The following CPED1 variants were observed in gnomAD, a reference collection of about 807,000 sequenced individuals.
CPED1 encodes cadherin like and PC-esterase domain containing 1.
A neutral mutation model predicts 128.2 loss-of-function variants in CPED1; 114 were observed. The ratio of observed to expected loss-of-function variants is 0.89; its 90% CI spans 0.76 to 1.04. The LOEUF (loss-of-function observed/expected upper bound fraction) is 1.04. Among genes scored for constraint, CPED1 ranks in the 50% least tolerant of loss-of-function variants. The probability of loss-of-function intolerance (pLI) is 0.00; values close to 1 mark genes in which losing one functional copy is unlikely to be tolerated. For missense variants in CPED1, 1,211 were observed against 1,207.1 expected (o/e 1.00, Z -0.05); for synonymous variants, 462 against 426.7 (o/e 1.08, Z -1.02).
At chr7:121,250,589 AAAG>A (rs1441210888) in intron 18 of CPED1, among the ~76,000 whole-genome samples, 3 of 152,244 alleles carry the variant, frequency 2.0e-5, no homozygotes, top group Non-Finnish European at 4.4e-5. Context: ...ACTAATAAGA[AAAG>A]AAAGAAGAAT....
intron 18 of CPED1, among the ~76,000 whole-genome samples, chr7:121,260,896 T>C (rs1792001068): frequency 6.6e-6 from 1 of 152,116 alleles, no homozygotes; most frequent in East Asian, 1.9e-4. Context: ...AAAAGGAAAA[T>C]GATTTTAATT....
intron 16 of CPED1, among the ~76,000 whole-genome samples, chr7:121,215,204 C>G (rs1302633281): frequency 1.3e-5 from 2 of 151,996 alleles, no homozygotes; most frequent in African/African-American, 2.4e-5. Context: ...TGTCCCAGCT[C>G]CATCCTTTTG....
chr7:121,140,888 T>C lies in CPED1; in HGVS notation c.1761T>C (p.Pro587=). 6.2e-7 allele frequency: 1 copy of C among 1,612,560 alleles called. No homozygotes were observed. The highest frequency in any genetic ancestry group is 8.5e-7 in the Non-Finnish European group (1 of 1,179,008). ...CACATCCACATTTGGAACTAAATCC[T>C]GACTTTCATCCAAAGATCAAAGATT... ...IFTHPHLELN[P]DFHPKIKDYY... Residue 587 remains proline, a synonymous_variant, in exon 15 of 23, where the codon CCT becomes CCC. Coordinates refer to ENST00000310396, the MANE Select transcript of CPED1 (RefSeq NM_024913.5).
chr7:121,015,593 T>A, intron 2 of CPED1, 72 bp from the exon 3 acceptor site: 1 of 1,334,708 alleles, frequency 7.5e-7, no homozygotes, highest in Non-Finnish European at 1.0e-6. Context: ...AGCCCTTGAT[T>A]TGCATTCATG....
At chr7:121,288,071 A>AT (rs1792621628) in intron 22 of CPED1, among the ~76,000 whole-genome samples, 1 of 152,184 alleles carries the variant, frequency 6.6e-6, no homozygotes, top group African/African-American at 2.4e-5. Context: ...GTTTCATAAT[A>AT]TTGAAACATT....
intron 16 of CPED1, among the ~76,000 whole-genome samples, chr7:121,193,660 A>G (rs1797197798): frequency 6.6e-6 from 1 of 152,138 alleles, no homozygotes; most frequent in Non-Finnish European, 1.5e-5. Context: ...CTGAGCAACT[A>G]CTATGTGTTA....
chr7:121,040,121 G>A (rs1345673512), intron 3 of CPED1, among the ~76,000 whole-genome samples: 1 of 152,018 alleles, frequency 6.6e-6, no homozygotes, highest in African/African-American at 2.4e-5. Flanking sequence ...AACCCTTAAA[G>A]GCTATGGAGC....
At chr7:121,125,774 T>G in intron 8 of CPED1, 46 bp from the exon 9 acceptor site, 1 of 1,373,662 alleles carries the variant, frequency 7.3e-7, no homozygotes, top group Non-Finnish European at 1.0e-6. Context: ...TAAACATCCA[T>G]GTGCATGTAT....
In CPED1 at chr7:121,266,297, T is replaced by G; in HGVS notation, c.2381T>G (p.Leu794Trp). 3 of 1,613,266 alleles carry G rather than the reference T, an allele frequency of 1.9e-6. No individual in the cohort carries two copies. The highest frequency in any genetic ancestry group is 2.5e-6 in the Non-Finnish European group (3 of 1,179,454). ...CTTATTGAAAGGCTGAATGAAACGT[T>G]GCAGGAATGGCAGAAAGTACATGGC... The part of the protein sequence containing the change: ...YYLIERLNET[L>W]QEWQKVHGTK... The change falls in exon 19 of 23, where the codon TTG (leucine) becomes TGG (tryptophan). Residue 794 changes from leucine (L) to tryptophan (W), a missense_variant. By Grantham distance (61) the Leu-to-Trp change is moderately conservative. Transcript: ENST00000310396.
Position 121,295,794 on chromosome 7 carries a change from TAC to T in CPED1, c.*150_*151del. Reference sequence around the variant, plus strand: ...ACACCAGCACATGCATGCACACCAGTACACACACAGTTAAATAATGATAACAC... The same window carrying T: ...ACACCAGCACATGCATGCACACCAGTACACACAGTTAAATAATGATAACAC... On this transcript the variant is annotated 3_prime_UTR_variant, in exon 23 of 23. Transcript: ENST00000310396. 3.2e-6 allele frequency: 2 copies of T among 619,976 alleles called. No individual in the cohort carries two copies. Among genetic ancestry groups the T allele is most frequent in the Non-Finnish European group, 5.7e-6 (2 of 348,650 alleles). The allele number at this position is 619,976 out of a possible 1,614,324, so 38.4% of individuals were successfully genotyped here.
intron 7 of CPED1, among the ~76,000 whole-genome samples, chr7:121,122,139 ATTTTTTT>A (rs34817474): frequency 7.9e-6 from 1 of 127,312 alleles, no homozygotes; most frequent in South Asian, 2.5e-4. Context: ...ACTCATCTGG[ATTTTTTT>A]TTTTTTTTTT....
chr7:121,046,281 A>G (rs1389572026), intron 3 of CPED1, among the ~76,000 whole-genome samples: 6 of 152,146 alleles, frequency 3.9e-5, no homozygotes, highest in Non-Finnish European at 5.9e-5. Context: ...GAACTCTGCT[A>G]TGTATAACTA....
At chr7:121,102,759 A>G (rs892587906) in intron 7 of CPED1, among the ~76,000 whole-genome samples, 3 of 151,764 alleles carry the variant, frequency 2.0e-5, no homozygotes, top group African/African-American at 7.3e-5. Flanking sequence ...AAACGAAAAT[A>G]TTTTCCTTCA....
chr7:121,204,684 G>C (rs770291229), intron 16 of CPED1, among the ~76,000 whole-genome samples: 13 of 152,080 alleles, frequency 8.5e-5, no homozygotes, highest in Non-Finnish European at 1.6e-4. Context: ...TACAATACTA[G>C]TTAAGAGTGG....
intron 17 of CPED1, among the ~76,000 whole-genome samples, chr7:121,240,907 T>A (rs1798376771): frequency 6.6e-6 from 1 of 152,094 alleles, no homozygotes; most frequent in Non-Finnish European, 1.5e-5. Context: ...TAAGGAGGTT[T>A]GCTTGAGAAA....
Position 121,078,985 on chromosome 7 carries a change from C to T in CPED1, c.616+14672C>T, listed in dbSNP as rs78696263. Among the ~76,000 whole-genome samples, 1,164 of 152,298 alleles carry T rather than the reference C, an allele frequency of 7.6e-3. 11 individuals are homozygous for T. Among genetic ancestry groups the T allele is most frequent in the African/African-American group, 0.025 (1,052 of 41,546 alleles). ...CAGATGACCGCCTTCTTGGGATGTTCTCACATGTTCTTTTCCTTATGTGCA... is the reference window on the plus strand; with the variant it reads ...CAGATGACCGCCTTCTTGGGATGTTTTCACATGTTCTTTTCCTTATGTGCA... On this transcript the variant is annotated intron_variant, in intron 5 of 22. Coordinates refer to ENST00000310396, the MANE Select transcript of CPED1 (RefSeq NM_024913.5).
intron 17 of CPED1, among the ~76,000 whole-genome samples, chr7:121,242,171 T>G (rs1323477448): frequency 6.6e-6 from 1 of 152,234 alleles, no homozygotes; most frequent in Non-Finnish European, 1.5e-5. Flanking sequence ...TACTTGTTTT[T>G]ACGCTATAGT....
rs192013704 is a variant in CPED1, at chr7:121,292,691, A to T, written c.2869-2749A>T. ...GGTCTTTGATGTTGGTGACCTTCGG[A>T]TGGGGTTTTTAGGTGGGTGTCCTTT... On this transcript the variant is annotated intron_variant, in intron 22 of 22. Coordinates refer to ENST00000310396, the MANE Select transcript of CPED1 (RefSeq NM_024913.5). Among the ~76,000 whole-genome samples the T allele has an allele frequency of 4.6e-5, 7 of 151,926 alleles. 1 individual carries two copies. In the East Asian group the frequency reaches 1.4e-3, roughly 30 times the overall value.
chr7:121,147,595 A>G (rs1431587623), intron 16 of CPED1, among the ~76,000 whole-genome samples: 1 of 152,112 alleles, frequency 6.6e-6, no homozygotes, highest in Non-Finnish European at 1.5e-5. Context: ...GACATGGGGA[A>G]CAATATAATA....
Sources: gnomAD v4.1 joint callset for allele counts (sites outside exome capture counted in the v4.1 genomes callset) on GRCh38, gnomAD v4.1.1 for gene constraint, MANE v1.5 for transcripts, NCBI Gene and HGNC (gene_info 2026-07-23, HGNC 2026-07-21) for gene names.